The following CFAP100 variants were observed in gnomAD, a reference collection of about 807,000 sequenced individuals.
CFAP100 encodes cilia- and flagella-associated protein 100.
A neutral mutation model predicts 81.5 loss-of-function variants in CFAP100; 70 were observed. That is an observed-to-expected ratio of 0.86 (90% CI 0.71 to 1.05). The LOEUF is 1.05. Among genes scored for constraint, CFAP100 ranks in the 50% least tolerant of loss-of-function variants. CFAP100 has a pLI of 0.00. For synonymous variants in CFAP100, 341 were observed against 314.8 expected (o/e 1.08, Z -0.88); for missense variants, 811 against 776.5 (o/e 1.04, Z -0.53).
Position 126,420,183 on chromosome 3 carries a change from C to CA in CFAP100, c.1037dup (p.Gln347AlafsTer110). 6.2e-7 allele frequency: 1 copy of CA among 1,612,804 alleles called. No homozygotes were observed. Among genetic ancestry groups the CA allele is most frequent in the Non-Finnish European group, 8.5e-7 (1 of 1,180,004 alleles). On this transcript the variant is annotated frameshift_variant, in exon 11 of 17. Transcript: ENST00000352312. LOFTEE classifies it high-confidence loss of function. ...GAGCCCGTCTTACCTGAGCAGCCCC[C>CA]AGCAAGGCAGCCAGCCCAGCGAGTC...
intron 5 of CFAP100, chr3:126,418,235 G>C (rs7634065): frequency 0.54 from 304,594 of 562,146 alleles, 85,293 homozygotes; most frequent in African/African-American, 0.8. Flanking sequence ...GACTTCCCAC[G>C]CGGCCGGACT....
At chr3:126,403,014 CA>C (rs1242781712) in intron 2 of CFAP100, among the ~76,000 whole-genome samples, 1 of 152,076 alleles carries the variant, frequency 6.6e-6, no homozygotes, top group African/African-American at 2.4e-5. Context: ...CTTGTCTCCT[CA>C]GTGACACCTG....
At chr3:126,427,506 T>C (rs1236232140) in intron 13 of CFAP100, among the ~76,000 whole-genome samples, 1 of 152,234 alleles carries the variant, frequency 6.6e-6, no homozygotes, top group Non-Finnish European at 1.5e-5. Context: ...GCCGTGTCTG[T>C]ATGGCTCATC....
chr3:126,412,649 T>C (rs2083176440), intron 3 of CFAP100, among the ~76,000 whole-genome samples: 1 of 152,228 alleles, frequency 6.6e-6, no homozygotes, highest in South Asian at 2.1e-4. Context: ...ATTTTTGGAA[T>C]GATTAGCCTC....
At chr3:126,429,202 TTTTA>T (rs568351219) in intron 13 of CFAP100, among the ~76,000 whole-genome samples, 118 of 152,022 alleles carry the variant, frequency 7.8e-4, no homozygotes, top group African/African-American at 2.4e-3. Flanking sequence ...GGTCCTGTGC[TTTTA>T]TTTGTTAGGA....
chr3:126,418,528 A>G lies in CFAP100; in HGVS notation c.486+3A>G. 2 of 1,614,104 alleles carry G rather than the reference A, an allele frequency of 1.2e-6. No individual in the cohort carries two copies. Among genetic ancestry groups the G allele is most frequent in the Non-Finnish European group, 1.7e-6 (2 of 1,180,002 alleles). ...AGCGGCAAATGTTCCTCCTCCAGGT[A>G]GGTCCCGTGGCCCCCAGAGCGATGG... is the stretch of plus-strand genomic sequence containing the variant. On this transcript the variant is annotated splice_donor_region_variant and intron_variant, in intron 6 of 16. Coordinates refer to ENST00000352312, the MANE Select transcript of CFAP100 (RefSeq NM_182628.3).
chr3:126,398,112 G>GTGAT (rs1024335096), intron 2 of CFAP100, among the ~76,000 whole-genome samples: 1 of 152,102 alleles, frequency 6.6e-6, no homozygotes, highest in African/African-American at 2.4e-5. Flanking sequence ...TATGACTTTT[G>GTGAT]TGATGAGAAC....
intron 11 of CFAP100, among the ~76,000 whole-genome samples, 179 bp downstream of exon 11, chr3:126,420,408 C>G (rs1035639840): frequency 2.6e-5 from 4 of 152,222 alleles, no homozygotes; most frequent in African/African-American, 9.6e-5. Flanking sequence ...GGGAGTAGGA[C>G]CTGTGGGCAG....
In CFAP100 at chr3:126,419,678, T is replaced by G; in HGVS notation, c.773T>G (p.Val258Gly). Residue 258 changes from valine (V) to glycine (G), a missense_variant, in exon 9 of 17, where the codon GTC becomes GGC. Physicochemically the swap from Val to Gly is moderately radical, Grantham distance 109 (BLOSUM62 -3). Coordinates refer to ENST00000352312, the MANE Select transcript of CFAP100 (RefSeq NM_182628.3). ...GAAGACACTCTGAAGCATTACAAGG[T>G]CTATAAGGATTTCCTATACAAGCTG... ...RFEDTLKHYK[V>G]YKDFLYKLSP... is the part of the protein sequence containing the mutation. The G allele has an allele frequency of 6.2e-7, 1 of 1,613,966 alleles. No individual in the cohort carries two copies. Among genetic ancestry groups the G allele is most frequent in the Non-Finnish European group, 8.5e-7 (1 of 1,180,004 alleles).
chr3:126,420,490 G>C, intron 11 of CFAP100: 1 of 521,110 alleles, frequency 1.9e-6, no homozygotes, highest in South Asian at 2.4e-5. Context: ...ATTTGTTTTT[G>C]AATAATTTCG....
chr3:126,427,444 G>A (rs973550461), intron 13 of CFAP100, among the ~76,000 whole-genome samples: 6 of 152,152 alleles, frequency 3.9e-5, no homozygotes, highest in African/African-American at 1.4e-4. Context: ...AGAACTTCAA[G>A]ATAATAATAA....
chr3:126,400,193 C>T (rs1341842113), intron 2 of CFAP100, among the ~76,000 whole-genome samples: 1 of 152,036 alleles, frequency 6.6e-6, no homozygotes, highest in Admixed American at 6.5e-5. Flanking sequence ...GCAAACAACC[C>T]AATTCAAAAC....
intron 11 of CFAP100, chr3:126,420,693 C>T (rs963205853): frequency 6.0e-6 from 1 of 166,766 alleles, no homozygotes; most frequent in Admixed American, 5.7e-5. Context: ...ATTGATGGAC[C>T]CTGAGAGAGG....
At chr3:126,427,958 A>T (rs1933023359) in intron 13 of CFAP100, among the ~76,000 whole-genome samples, 1 of 152,204 alleles carries the variant, frequency 6.6e-6, no homozygotes, top group African/African-American at 2.4e-5. Context: ...TTAAACAACC[A>T]GATCTCATGA....
intron 2 of CFAP100, among the ~76,000 whole-genome samples, chr3:126,400,935 G>T (rs1320895327): frequency 3.3e-5 from 5 of 152,168 alleles, no homozygotes; most frequent in African/African-American, 1.2e-4. Context: ...GAAGCCGCCT[G>T]AGTATCCATC....
At chr3:126,419,873 G>A (rs1269925544) in intron 9 of CFAP100, 55 bp downstream of exon 9, 44 of 1,610,128 alleles carry the variant, frequency 2.7e-5, no homozygotes, top group Middle Eastern at 1.7e-4. Context: ...GGCCCACTGC[G>A]ACCCTGAGCC....
intron 13 of CFAP100, among the ~76,000 whole-genome samples, chr3:126,429,107 C>CAAAAAA (rs57773311): frequency 9.4e-5 from 9 of 95,760 alleles, no homozygotes; most frequent in South Asian, 4.4e-4. Flanking sequence ...CGTCTCCATC[C>CAAAAAA]AAAAAAAAAA....
chr3:126,419,262 C>T (rs2083291896), intron 8 of CFAP100, 106 bp downstream of exon 8: 1 of 711,722 alleles, frequency 1.4e-6, no homozygotes. Context: ...CATGGCTTTA[C>T]CTCCCAGGGA....
At position 126,414,054 on chromosome 3, in the gene CFAP100, CCCCTTTCCAGAGAGGTGTCT is replaced by C; in HGVS notation, c.131-19_131del. The C allele has an allele frequency of 6.6e-7, 1 of 1,525,852 alleles. No homozygotes were observed. Among genetic ancestry groups the C allele is most frequent in the South Asian group, 1.1e-5 (1 of 89,276 alleles). 94.5% of individuals were successfully genotyped at this position (1,525,852 alleles called of 1,614,324 possible). On this transcript the variant is annotated splice_polypyrimidine_tract_variant and intron_variant, in intron 3 of 16. Transcript: ENST00000352312. ...AGACCACCGCCTGGAAGAGCTGGCTCCCCTTTCCAGAGAGGTGTCTCCCTTTCCAGAACATGGTCCTGACC... is the reference window on the plus strand; with the variant it reads ...AGACCACCGCCTGGAAGAGCTGGCTCCCCTTTCCAGAACATGGTCCTGACC...
Sources: gnomAD v4.1 joint callset for allele counts (sites outside exome capture counted in the v4.1 genomes callset) on GRCh38, gnomAD v4.1.1 for gene constraint, MANE v1.5 for transcripts, NCBI Gene and HGNC (gene_info 2026-07-23, HGNC 2026-07-21) for gene names.